USH2A: variants seen among roughly 807,000 people sequenced by gnomAD.
USH2A encodes usherin.
Under a neutral mutation model 538.9 loss-of-function variants are expected in USH2A, and 443 were observed. The observed-to-expected ratio is 0.82, with a 90% CI of 0.76 to 0.89. The LOEUF is 0.89. USH2A is among the 40% of genes least tolerant of loss of function. The pLI is 0.00. For missense variants in USH2A, 6,633 were observed against 6,324.8 expected, an observed-to-expected ratio of 1.05 and a Z score of -1.65; for synonymous variants, 2,413 against 2,273.5, an observed-to-expected ratio of 1.06 and a Z score of -1.75.
At chr1:215,695,309 T>C (rs963461393) in intron 61 of USH2A, among the ~76,000 whole-genome samples, 1 of 152,178 alleles carries the variant, frequency 6.6e-6, no homozygotes, top group South Asian at 2.1e-4. Context: ...GTAGTGAGAT[T>C]TGGAATTTTA....
At chr1:216,171,636 A>C (rs1406605720) in intron 21 of USH2A, among the ~76,000 whole-genome samples, 1 of 152,056 alleles carries the variant, frequency 6.6e-6, no homozygotes, top group African/African-American at 2.4e-5. Flanking sequence ...AGTACTAAAT[A>C]ATCTGTGTGG....
chr1:216,401,231 G>A (rs149897455), intron 3 of USH2A, among the ~76,000 whole-genome samples: 134 of 152,150 alleles, frequency 8.8e-4, no homozygotes, highest in Non-Finnish European at 1.5e-3. Flanking sequence ...CATGTCAGTA[G>A]ATAAGTGACT....
intron 38 of USH2A, among the ~76,000 whole-genome samples, chr1:215,907,925 G>A (rs1665681064): frequency 6.6e-6 from 1 of 151,840 alleles, no homozygotes; most frequent in Non-Finnish European, 1.5e-5. Context: ...AATTATTTCT[G>A]TCATTATCCC....
chr1:216,368,560 C>T (rs977471717), intron 3 of USH2A, among the ~76,000 whole-genome samples: 3 of 152,170 alleles, frequency 2.0e-5, no homozygotes, highest in South Asian at 2.1e-4. Context: ...AGCATCAACT[C>T]GGTACCCACA....
intron 71 of USH2A, among the ~76,000 whole-genome samples, chr1:215,626,985 T>C (rs556419855): frequency 3.3e-5 from 5 of 152,246 alleles, no homozygotes; most frequent in Non-Finnish European, 5.9e-5. Flanking sequence ...TTAAAAACTT[T>C]AGATCTGAAA....
chr1:215,799,882 A>G (rs1225520688), intron 49 of USH2A, among the ~76,000 whole-genome samples: 2 of 152,242 alleles, frequency 1.3e-5, no homozygotes, highest in African/African-American at 4.8e-5. Context: ...CCTACTCGAG[A>G]GGCTGAGGCA....
intron 21 of USH2A, among the ~76,000 whole-genome samples, chr1:216,167,499 T>C (rs1364833611): frequency 1.3e-5 from 2 of 152,070 alleles, no homozygotes; most frequent in East Asian, 1.9e-4. Context: ...CAAGGAAACA[T>C]GCCTTAAGTG....
At position 215,837,998 on chromosome 1, in the gene USH2A, T is replaced by A; in HGVS notation, c.9364A>T (p.Thr3122Ser). 1.9e-6 allele frequency: 3 copies of A among 1,613,578 alleles called. No individual in the cohort carries two copies. Among genetic ancestry groups the A allele is most frequent in the Non-Finnish European group, 2.5e-6 (3 of 1,179,484 alleles). ...TGACACAAAATTTTGTACCTTGAAG[T>A]GATGCCACGAATTGTGGGTGTTGGT... ...DIPTPTIRGI[T>S]SRSLQIDWVS... Residue 3122 changes from threonine (T) to serine (S), a missense_variant, in exon 47 of 72, where the codon ACT becomes TCT. Physicochemically the swap from Thr to Ser is moderately conservative, Grantham distance 58. Transcript: ENST00000307340.
rs141606887 is a variant in USH2A at position 215,916,178 on chromosome 1, A to G, written c.7301-15273T>C. ...ATTGTGCACATGTACCCTGAAACTT[A>G]AAGTATAATAATAATAAAATAAAAA... On this transcript the variant is annotated intron_variant, in intron 38 of 71. Coordinates refer to ENST00000307340, the MANE Select transcript of USH2A (RefSeq NM_206933.4). Among the ~76,000 whole-genome samples the G allele has an allele frequency of 3.4e-3, 517 of 152,064 alleles. 4 individuals carry two copies. The highest frequency in any genetic ancestry group is 0.012 in the African/African-American group (498 of 41,510).
Position 215,640,711 on chromosome 1 carries a change from A to G in USH2A, c.14815T>C (p.Ser4939Pro). 6.2e-7 allele frequency: 1 copy of G among 1,613,972 alleles called. No homozygotes were observed. Among genetic ancestry groups the G allele is most frequent in the Non-Finnish European group, 8.5e-7 (1 of 1,179,986 alleles). The change falls in exon 68 of 72, where the codon TCG becomes CCG. Residue 4939 changes from serine (S) to proline (P), a missense_variant. By Grantham distance (74) the Ser-to-Pro change is moderately conservative (BLOSUM62 -1). Transcript: ENST00000307340. ...ACCACAGACAAATTGCTGTCCACCG[A>G]AAATGGGGCTCGGTACTGAGGCACT... Reference protein sequence around the residue: ...KELPQYRAPFSVDSNLSVVCV... With the variant: ...KELPQYRAPFPVDSNLSVVCV...
intron 21 of USH2A, among the ~76,000 whole-genome samples, chr1:216,151,264 C>G (rs1174383021): frequency 6.6e-6 from 1 of 152,046 alleles, no homozygotes; most frequent in Non-Finnish European, 1.5e-5. Context: ...TCCTTCTCAC[C>G]TTTTTACTTT....
rs190958074 is a variant in USH2A at position 216,002,994 on chromosome 1, A to G, written c.6326-2432T>C. On this transcript the variant is annotated intron_variant, in intron 32 of 71. Transcript: ENST00000307340. ...AGGTGACTATGATCACCTAAGCCCTAAACCCACCCAGAATATCCGCCTCAG... is the reference window on the plus strand; with the variant it reads ...AGGTGACTATGATCACCTAAGCCCTGAACCCACCCAGAATATCCGCCTCAG... Among the ~76,000 whole-genome samples, 157 of 152,250 alleles carry G rather than the reference A, an allele frequency of 1.0e-3. 1 individual carries two copies. The highest frequency in any genetic ancestry group is 3.6e-3 in the African/African-American group (150 of 41,560).
At chr1:216,326,257 T>A (rs2102657192) in intron 5 of USH2A, among the ~76,000 whole-genome samples, 1 of 152,300 alleles carries the variant, frequency 6.6e-6, no homozygotes, top group Non-Finnish European at 1.5e-5. Context: ...TAGACCAGAA[T>A]TAGTCATTCT....
At chr1:215,903,037 C>T (rs933031412) in intron 38 of USH2A, among the ~76,000 whole-genome samples, 6 of 151,890 alleles carry the variant, frequency 4.0e-5, no homozygotes, top group Non-Finnish European at 7.4e-5. Context: ...ATGTTGAGGT[C>T]AGGAGGAGGC....
Position 216,422,409 on chromosome 1 carries a change from A to C in USH2A, c.-73T>G. 2 of 1,602,272 alleles carry C rather than the reference A, an allele frequency of 1.2e-6. No homozygotes were observed. Among genetic ancestry groups the C allele is most frequent in the South Asian group, 2.2e-5 (2 of 89,688 alleles). ...AATCAGGCCCACGCCACTTGCCAGCAATACTTTGAAGCAGGGTACTTTAAG... is the reference window on the plus strand; with the variant it reads ...AATCAGGCCCACGCCACTTGCCAGCCATACTTTGAAGCAGGGTACTTTAAG... On this transcript the variant is annotated 5_prime_UTR_variant, in exon 2 of 72. It adds an upstream start codon to the 5' untranslated region. Coordinates refer to ENST00000307340, the MANE Select transcript of USH2A (RefSeq NM_206933.4).
chr1:215,821,603 C>A (rs982931323), intron 47 of USH2A, among the ~76,000 whole-genome samples: 2 of 151,694 alleles, frequency 1.3e-5, no homozygotes, highest in African/African-American at 4.8e-5. Context: ...TGTGCAGAAG[C>A]TTTTTAGCCT....
intron 21 of USH2A, among the ~76,000 whole-genome samples, chr1:216,152,586 T>G (rs2033861637): frequency 6.6e-6 from 1 of 152,146 alleles, no homozygotes; most frequent in Non-Finnish European, 1.5e-5. Context: ...CTCCCTTCAC[T>G]GACTCTCTTT....
At chr1:215,664,977 A>T (rs539184924) in intron 64 of USH2A, among the ~76,000 whole-genome samples, 57 of 152,352 alleles carry the variant, frequency 3.7e-4, no homozygotes, top group African/African-American at 1.3e-3. Context: ...AGGCCCAAAG[A>T]GGTTAATGTG....
At chr1:216,312,902 T>G (rs1422700941) in intron 9 of USH2A, among the ~76,000 whole-genome samples, 1 of 152,140 alleles carries the variant, frequency 6.6e-6, no homozygotes, top group Non-Finnish European at 1.5e-5. Context: ...CCAGACATGA[T>G]GTACTGAGTA....
Sources: allele counts gnomAD v4.1 joint callset (sites outside exome capture counted in the v4.1 genomes callset), GRCh38; gene constraint gnomAD v4.1.1; transcripts MANE v1.5; gene names NCBI Gene and HGNC (gene_info 2026-07-23, HGNC 2026-07-21).